The following MAGI1 variants were observed in gnomAD, a reference collection of about 807,000 sequenced individuals.
The protein encoded by MAGI1 is membrane-associated guanylate kinase, WW and PDZ domain-containing protein 1.
Under a neutral mutation model 139.9 loss-of-function variants are expected in MAGI1, and 58 were observed. The observed-to-expected ratio is 0.41, with a 90% CI of 0.34 to 0.52. The LOEUF (loss-of-function observed/expected upper bound fraction) is 0.52, where lower values mean the gene tolerates loss of function less well. Ranked by LOEUF, MAGI1 falls within the 20% of genes least tolerant of loss-of-function variation. The pLI, the probability that MAGI1 is intolerant of heterozygous loss-of-function variation, is 0.12. For missense variants in MAGI1, 1,874 were observed against 1,901.6 expected, an observed-to-expected ratio of 0.99 and a Z score of 0.27; for synonymous variants, 812 against 737.9, an observed-to-expected ratio of 1.10 and a Z score of -1.63.
chr3:65,997,482 C>T (rs2107412043), intron 1 of MAGI1, among the ~76,000 whole-genome samples: 1 of 152,146 alleles, frequency 6.6e-6, no homozygotes, highest in Non-Finnish European at 1.5e-5. Flanking sequence ...TGGTGAAACC[C>T]CATCTCTACT....
intron 1 of MAGI1, among the ~76,000 whole-genome samples, chr3:65,762,121 G>T (rs145811222): frequency 2.0e-5 from 3 of 152,120 alleles, no homozygotes; most frequent in East Asian, 3.9e-4. Context: ...CCCCAGAATG[G>T]CTGCATTTCA....
intron 14 of MAGI1, among the ~76,000 whole-genome samples, chr3:65,386,397 C>T (rs989350623): frequency 1.3e-5 from 2 of 152,138 alleles, no homozygotes; most frequent in Non-Finnish European, 2.9e-5. Context: ...ACATAAACGT[C>T]GACACACAGA....
At chr3:65,430,587 A>G (rs1947382507) in intron 11 of MAGI1, 112 bp downstream of exon 11, 1 of 1,092,266 alleles carries the variant, frequency 9.2e-7, no homozygotes, top group African/African-American at 1.6e-5. Flanking sequence ...AAACATGTGC[A>G]ATCATGACGT....
intron 1 of MAGI1, among the ~76,000 whole-genome samples, chr3:65,698,377 T>A (rs1355664215): frequency 6.9e-6 from 1 of 144,530 alleles, no homozygotes. Flanking sequence ...AAAAACCACT[T>A]TAAAGTTCAT....
chr3:65,625,330 T>A (rs959552709), intron 1 of MAGI1, among the ~76,000 whole-genome samples: 2 of 152,200 alleles, frequency 1.3e-5, no homozygotes, highest in Non-Finnish European at 2.9e-5. Flanking sequence ...ATTGGATGAT[T>A]GGATGAGTAC....
chr3:65,945,028 T>C (rs1297879113), intron 1 of MAGI1, among the ~76,000 whole-genome samples: 1 of 152,096 alleles, frequency 6.6e-6, no homozygotes, highest in Non-Finnish European at 1.5e-5. Flanking sequence ...TTACAACATA[T>C]ATGAAAAGCA....
At chr3:65,858,542 T>C (rs1203894684) in intron 1 of MAGI1, among the ~76,000 whole-genome samples, 1 of 152,228 alleles carries the variant, frequency 6.6e-6, no homozygotes, top group Non-Finnish European at 1.5e-5. Flanking sequence ...ACTAAATAAT[T>C]GCTTCTTCCC....
chr3:66,018,574 G>A (rs745630778), intron 1 of MAGI1, among the ~76,000 whole-genome samples: 26 of 152,216 alleles, frequency 1.7e-4, no homozygotes, highest in Non-Finnish European at 1.2e-4. Context: ...AGTGACCACT[G>A]TAACCAGTAA....
rs958512839 is a variant in MAGI1 at position 66,038,705 on chromosome 3, C to G, written c.-397G>C. 2.3e-5 allele frequency: 4 copies of G among 174,784 alleles called. No homozygotes were observed. The highest frequency in any genetic ancestry group is 7.1e-5 in the African/African-American group (3 of 42,210). 10.8% of individuals were successfully genotyped at this position (174,784 alleles called of 1,614,324 possible). ...TTTGCCTCCCGCCCGGCTCGCCTCT[C>G]CTCGCTGGCAGGCTGTTACTGAGGG... On this transcript the variant is annotated 5_prime_UTR_variant, in exon 1 of 23. Transcript: ENST00000402939.
At chr3:66,028,649 G>A (rs1246739957) in intron 1 of MAGI1, among the ~76,000 whole-genome samples, 1 of 151,832 alleles carries the variant, frequency 6.6e-6, no homozygotes, top group Non-Finnish European at 1.5e-5. Context: ...GCAAGAACTC[G>A]CCCTCCCTCC....
At position 65,844,508 on chromosome 3, in the gene MAGI1, T is replaced by C. The variant is rs149993957; in HGVS notation, c.313+193488A>G. On this transcript the variant is annotated intron_variant, in intron 1 of 22. Transcript: ENST00000402939. ...AATGTCTCGAGAACACTACAAGCTATGTCCTCTTCTCAGAGAGCCCTGAAG... is the reference window on the plus strand; with the variant it reads ...AATGTCTCGAGAACACTACAAGCTACGTCCTCTTCTCAGAGAGCCCTGAAG... The C allele has an allele frequency of 1.5e-3, 393 of 260,828 alleles. 3 individuals carry two copies. Among genetic ancestry groups the C allele is most frequent in the African/African-American group, 8.5e-3 (375 of 44,008 alleles). 16.2% of individuals were successfully genotyped at this position (260,828 alleles called of 1,614,324 possible). A position where few individuals can be genotyped will look rare whatever the true frequency, so the allele number is the denominator to read the frequency against.
chr3:65,568,570 G>A (rs2080790523), intron 2 of MAGI1, among the ~76,000 whole-genome samples: 1 of 152,264 alleles, frequency 6.6e-6, no homozygotes, highest in South Asian at 2.1e-4. Context: ...CAGTGTACTG[G>A]ATAATAGGGA....
At chr3:65,934,354 C>T (rs950922179) in intron 1 of MAGI1, among the ~76,000 whole-genome samples, 2 of 151,408 alleles carry the variant, frequency 1.3e-5, no homozygotes, top group African/African-American at 4.9e-5. Flanking sequence ...GTCTCAGCCT[C>T]CCAAAATGGT....
chr3:65,954,505 G>T lies in MAGI1; in HGVS notation c.313+83491C>A, dbSNP rs142557182. ...ACACGGCGGATCCGGAAACAGGCAA[G>T]ATGCACAGGCAGTGGAGTGTCTGAC... On this transcript the variant is annotated intron_variant, in intron 1 of 22. Transcript: ENST00000402939. The T allele has an allele frequency of 9.0e-3, 1,382 of 152,784 alleles. 54 individuals carry two copies. The highest frequency in any genetic ancestry group is 0.076 in the Admixed American group (1,158 of 15,286). 9.5% of individuals were successfully genotyped at this position (152,784 alleles called of 1,614,324 possible). A position where few individuals can be genotyped will look rare whatever the true frequency, so the allele number is the denominator to read the frequency against.
intron 1 of MAGI1, among the ~76,000 whole-genome samples, chr3:65,939,046 C>T (rs565989429): frequency 1.3e-5 from 2 of 152,182 alleles, no homozygotes; most frequent in South Asian, 2.1e-4. Context: ...GCGCCCCCAT[C>T]CCAAAATCAA....
chr3:65,381,922 G>C lies in MAGI1; in HGVS notation c.2656C>G (p.Gln886Glu). Residue 886 changes from glutamine to glutamate, a missense_variant, in exon 16 of 23, where the codon CAA becomes GAA. Gln to Glu is a conservative substitution (Grantham distance 29). Around this residue, in one of 5 missense-constraint regions of MAGI1, gnomAD observed 482 missense variants for 509.6 expected, o/e 0.95. Coordinates refer to ENST00000402939, the MANE Select transcript of MAGI1 (RefSeq NM_001033057.2). ...VVQLMQQAAK[Q>E]GHVNLTVRRK... ...CGCACCGTGAGATTGACGTGGCCTT[G>C]CTTGGCAGCTTGTTGCATAAGCTGG... 1.2e-6 allele frequency: 2 copies of C among 1,614,058 alleles called. No individual in the cohort carries two copies. Among genetic ancestry groups the C allele is most frequent in the African/African-American group, 2.7e-5 (2 of 75,036 alleles).
Position 65,470,392 on chromosome 3 carries a change from A to T in MAGI1, c.850T>A (p.Ser284Thr), listed in dbSNP as rs1033078812. Residue 284 changes from serine (S) to threonine (T), a missense_variant, in exon 5 of 23, where the codon TCT (serine) becomes ACT (threonine). By Grantham distance (58) the Ser-to-Thr change is moderately conservative. Transcript: ENST00000402939. ...SIIAAPITDP[S>T]QKFPQYLPLS... The stretch of plus-strand genomic sequence containing the variant: ...GGTAGGTATTGAGGGAACTTCTGAG[A>T]AGGGTCCGTGATGGGAGCAGCGATG... 5.0e-6 allele frequency: 8 copies of T among 1,613,822 alleles called. No individual in the cohort carries two copies. In the African/African-American group the frequency reaches 9.3e-5, roughly 19 times the overall value.
intron 3 of MAGI1, among the ~76,000 whole-genome samples, chr3:65,489,596 T>C (rs929911738): frequency 6.6e-6 from 1 of 152,054 alleles, no homozygotes. Flanking sequence ...GATAGATACA[T>C]AGATAGATGT....
intron 2 of MAGI1, among the ~76,000 whole-genome samples, chr3:65,573,006 T>C (rs1308133579): frequency 6.6e-6 from 1 of 151,796 alleles, no homozygotes; most frequent in African/African-American, 2.4e-5. Flanking sequence ...TTTTGACAAG[T>C]AAAAAAAATG....
Sources: allele counts gnomAD v4.1 joint callset (sites outside exome capture counted in the v4.1 genomes callset), GRCh38; gene constraint gnomAD v4.1.1; regional missense constraint gnomAD v4.1.1; transcripts MANE v1.5; gene names NCBI Gene and HGNC (gene_info 2026-07-23, HGNC 2026-07-21).